Variants in NEMP2 observed in about 807,000 individuals in gnomAD.
The protein encoded by NEMP2 is UPF0571 transmembrane protein.
Under a neutral mutation model 54.2 loss-of-function variants are expected in NEMP2, and 53 were observed. The ratio of observed to expected loss-of-function variants is 0.98; its 90% CI spans 0.78 to 1.23. The LOEUF is 1.23. Ranked by LOEUF, NEMP2 falls within the 50% of genes most tolerant of loss-of-function variation. The probability of loss-of-function intolerance (pLI) is 0.00; values close to 1 mark genes in which losing one functional copy is unlikely to be tolerated. For synonymous variants in NEMP2, 197 were observed against 190.3 expected (o/e 1.04, Z -0.29); for missense variants, 455 against 511.3 (o/e 0.89, Z 1.06).
At chr2:190,543,895 G>A in the NEMP2 span, among the ~76,000 whole-genome samples, 1 of 152,130 alleles carries the variant, frequency 6.6e-6, no homozygotes, top group African/African-American at 2.4e-5. The surrounding 1 kb of genome is among the most constrained non-coding windows in gnomAD (Gnocchi z 4.7). Context: ...TTCAGTAACT[G>A]TCATGGGCTA....
At chr2:190,563,371 C>T in the NEMP2 span, among the ~76,000 whole-genome samples, 2 of 152,178 alleles carry the variant, frequency 1.3e-5, no homozygotes, top group Non-Finnish European at 2.9e-5. This position sits in a 1 kb window ranked among gnomAD's most constrained non-coding sequence, Gnocchi z 4.3. Context: ...TAGACGTTTT[C>T]ACACTCCCAC....
chr2:190,452,684 G>A, the NEMP2 span, among the ~76,000 whole-genome samples: 3 of 152,088 alleles, frequency 2.0e-5, no homozygotes. Context: ...CTAATGCCTG[G>A]TATCACTTTT....
chr2:190,574,668 C>T, the NEMP2 span, among the ~76,000 whole-genome samples: 1 of 151,970 alleles, frequency 6.6e-6, no homozygotes, highest in Admixed American at 6.6e-5. Flanking sequence ...TAGCTAATTA[C>T]TTTCTTTCCC....
the NEMP2 span, among the ~76,000 whole-genome samples, chr2:190,451,023 G>A: frequency 1.3e-5 from 2 of 152,228 alleles, no homozygotes; most frequent in South Asian, 4.1e-4. The surrounding 1 kb of genome is among the most constrained non-coding windows in gnomAD (Gnocchi z 5.0). Flanking sequence ...AGGAGAATGA[G>A]AAGAGAGCAA....
chr2:190,462,971 TC>T, the NEMP2 span, among the ~76,000 whole-genome samples: 3 of 152,138 alleles, frequency 2.0e-5, no homozygotes, highest in South Asian at 4.1e-4. This position sits in a 1 kb window ranked among gnomAD's most constrained non-coding sequence, Gnocchi z 5.7. Flanking sequence ...GGGATGGGAA[TC>T]CCAAGGAATG....
At chr2:190,603,187 T>C in the NEMP2 span, among the ~76,000 whole-genome samples, 7 of 152,238 alleles carry the variant, frequency 4.6e-5, no homozygotes, top group East Asian at 1.3e-3. Context: ...CCAAGGGGTA[T>C]GGAATGTGGG....
intron 4 of NEMP2, among the ~76,000 whole-genome samples, chr2:190,518,501 A>T (rs2125321624): frequency 6.6e-6 from 1 of 152,380 alleles, no homozygotes; most frequent in East Asian, 1.9e-4. Flanking sequence ...AGATCTAATA[A>T]AATGTTAATA....
Position 190,533,473 on chromosome 2 carries a change from C to T in NEMP2, c.97+1086G>A, listed in dbSNP as rs2125356901. ...TTAAAGCACTTATAACACTGCCTAG[C>T]ACATACTGAACACTCAAAAAATTTC... On this transcript the variant is annotated intron_variant, in intron 1 of 8. Coordinates refer to ENST00000409150, the MANE Select transcript of NEMP2 (RefSeq NM_001142645.2). This position sits in a 1 kb window ranked among gnomAD's most constrained non-coding sequence, Gnocchi z 4.3. Among the ~76,000 whole-genome samples, 1 of 152,306 alleles carries T rather than the reference C, an allele frequency of 6.6e-6. No homozygotes were observed. Among genetic ancestry groups the T allele is most frequent in the Middle Eastern group, 3.4e-3 (1 of 294 alleles).
the NEMP2 span, among the ~76,000 whole-genome samples, chr2:190,616,648 A>T: frequency 6.6e-6 from 1 of 152,176 alleles, no homozygotes; most frequent in Admixed American, 6.5e-5. This position sits in a 1 kb window ranked among gnomAD's most constrained non-coding sequence, Gnocchi z 5.1. Flanking sequence ...AGGAAACTAT[A>T]CCTTTGGATC....
At position 190,519,265 on chromosome 2, in the gene NEMP2, A is replaced by G; in HGVS notation, c.214-82T>C. 4 of 979,140 alleles carry G rather than the reference A, an allele frequency of 4.1e-6. No homozygotes were observed. Among genetic ancestry groups the G allele is most frequent in the Non-Finnish European group, 6.0e-6 (4 of 661,336 alleles). 60.7% of individuals were successfully genotyped at this position (979,140 alleles called of 1,614,324 possible). ...GAGACAGGGTCTCCCTCTGTTGCCC[A>G]GAATGGAGTGCAGTGGCAGGATCTC... On this transcript the variant is annotated intron_variant, in intron 2 of 8. Transcript: ENST00000409150. This position sits in a 1 kb window ranked among gnomAD's most constrained non-coding sequence, Gnocchi z 5.4.
the NEMP2 span, among the ~76,000 whole-genome samples, chr2:190,592,994 T>C: frequency 6.6e-6 from 1 of 152,222 alleles, no homozygotes; most frequent in Non-Finnish European, 1.5e-5. This position sits in a 1 kb window ranked among gnomAD's most constrained non-coding sequence, Gnocchi z 4.4. Context: ...ACTGTTCCTC[T>C]ATTACTCATC....
At chr2:190,615,563 T>C in the NEMP2 span, among the ~76,000 whole-genome samples, 1 of 152,148 alleles carries the variant, frequency 6.6e-6, no homozygotes, top group Non-Finnish European at 1.5e-5. The surrounding 1 kb of genome is among the most constrained non-coding windows in gnomAD (Gnocchi z 4.7). Flanking sequence ...TTATGGTGGC[T>C]TCACTACACA....
At chr2:190,609,487 G>A in the NEMP2 span, 1 of 152,028 alleles carries the variant, frequency 6.6e-6, no homozygotes, top group Non-Finnish European at 1.5e-5. The surrounding 1 kb of genome is among the most constrained non-coding windows in gnomAD (Gnocchi z 4.7). Flanking sequence ...AAAGGGTCCT[G>A]TTAAGAATTC....
chr2:190,448,705 C>A, the NEMP2 span, among the ~76,000 whole-genome samples: 1 of 152,178 alleles, frequency 6.6e-6, no homozygotes, highest in African/African-American at 2.4e-5. Context: ...GTTGCCCTAG[C>A]TTTCTGGACA....
chr2:190,566,568 C>T, the NEMP2 span, among the ~76,000 whole-genome samples: 1 of 140,880 alleles, frequency 7.1e-6, no homozygotes, highest in Non-Finnish European at 1.5e-5. Context: ...GCCTGGGCTA[C>T]AGGAGTAAGA....
chr2:190,544,484 A>T, the NEMP2 span, among the ~76,000 whole-genome samples: 3 of 152,158 alleles, frequency 2.0e-5, no homozygotes, highest in African/African-American at 7.2e-5. Flanking sequence ...TTAAGTTGTG[A>T]TTCTCAAATT....
At chr2:190,605,401 C>T in the NEMP2 span, among the ~76,000 whole-genome samples, 16 of 151,438 alleles carry the variant, frequency 1.1e-4, no homozygotes, top group African/African-American at 3.9e-4. Flanking sequence ...GATGGAGTCT[C>T]GCTCGCTCTG....
the NEMP2 span, among the ~76,000 whole-genome samples, chr2:190,475,173 C>T: frequency 3.7e-4 from 57 of 152,260 alleles, 2 homozygotes; most frequent in African/African-American, 1.3e-3. Flanking sequence ...GATGCCCTCT[C>T]TCACCACTCC....
At chr2:190,598,649 G>A in the NEMP2 span, among the ~76,000 whole-genome samples, 223 of 152,250 alleles carry the variant, frequency 1.5e-3, 1 homozygote, top group African/African-American at 4.7e-3. Flanking sequence ...GCTTTACTGC[G>A]ATTCTCAAAT....
Sources: allele counts gnomAD v4.1 joint callset (sites outside exome capture counted in the v4.1 genomes callset), GRCh38; gene constraint gnomAD v4.1.1; non-coding constraint Gnocchi (gnomAD v3.1); transcripts MANE v1.5; gene names NCBI Gene and HGNC (gene_info 2026-07-23, HGNC 2026-07-21).